Variants in RIT2 observed in about 807,000 individuals in gnomAD.
RIT2 encodes the protein GTP-binding protein Rit2.
A neutral mutation model predicts 23.7 loss-of-function variants in RIT2; 24 were observed. The ratio of observed to expected loss-of-function variants is 1.01; its 90% CI spans 0.73 to 1.43. The LOEUF (loss-of-function observed/expected upper bound fraction) is 1.43. RIT2 is among the 40% of genes most tolerant of loss of function. The pLI is 0.00. For missense variants in RIT2, 236 were observed against 266.9 expected (o/e 0.88, Z 0.81); for synonymous variants, 107 against 91.1 (o/e 1.17, Z -0.99).
intron 2 of RIT2, among the ~76,000 whole-genome samples, chr18:43,003,513 T>C (rs755736205): frequency 1.3e-5 from 2 of 151,928 alleles, no homozygotes; most frequent in South Asian, 4.1e-4. Flanking sequence ...TTTTGTTTCC[T>C]GGCAAAAATT....
chr18:42,784,469 T>C (rs1335034979), intron 4 of RIT2, among the ~76,000 whole-genome samples: 5 of 152,014 alleles, frequency 3.3e-5, no homozygotes, highest in Non-Finnish European at 7.4e-5. Context: ...GCAATAGCAA[T>C]GTTCAGGGCA....
chr18:43,027,877 A>G (rs1369477330), intron 2 of RIT2, among the ~76,000 whole-genome samples: 1 of 152,086 alleles, frequency 6.6e-6, no homozygotes, highest in African/African-American at 2.4e-5. Flanking sequence ...AGAGGTCTGA[A>G]ATTATGTGAC....
chr18:42,887,385 A>C (rs974077961), intron 4 of RIT2, among the ~76,000 whole-genome samples: 1 of 152,188 alleles, frequency 6.6e-6, no homozygotes, highest in Non-Finnish European at 1.5e-5. Flanking sequence ...CATGGTAGGT[A>C]ATCTCTCTTG....
At chr18:42,926,291 GTTCCT>G (rs1193237483) in intron 3 of RIT2, among the ~76,000 whole-genome samples, 1 of 151,770 alleles carries the variant, frequency 6.6e-6, no homozygotes, top group Non-Finnish European at 1.5e-5. Context: ...GAAACATCAT[GTTCCT>G]TTCATTTGTA....
intron 4 of RIT2, among the ~76,000 whole-genome samples, chr18:42,854,998 T>C (rs1907146199): frequency 6.6e-6 from 1 of 152,144 alleles, no homozygotes; most frequent in Non-Finnish European, 1.5e-5. Context: ...TGTAAAAAAC[T>C]TGGATTTACT....
At chr18:43,013,179 A>G (rs908560824) in intron 2 of RIT2, among the ~76,000 whole-genome samples, 1 of 151,900 alleles carries the variant, frequency 6.6e-6, no homozygotes, top group East Asian at 1.9e-4. Flanking sequence ...TGAACTGATC[A>G]ACATGATGAC....
At chr18:42,882,224 T>C (rs1907913497) in intron 4 of RIT2, among the ~76,000 whole-genome samples, 1 of 152,222 alleles carries the variant, frequency 6.6e-6, no homozygotes, top group African/African-American at 2.4e-5. Flanking sequence ...AGATATCAAA[T>C]TAGAGTCAGT....
chr18:42,956,087 C>A (rs2144179631), intron 3 of RIT2, among the ~76,000 whole-genome samples: 1 of 152,224 alleles, frequency 6.6e-6, no homozygotes, highest in East Asian at 1.9e-4. Flanking sequence ...AAGGAACCCT[C>A]TTTTCACAGA....
chr18:42,914,856 A>G (rs962787055), intron 4 of RIT2, among the ~76,000 whole-genome samples: 1 of 151,998 alleles, frequency 6.6e-6, no homozygotes, highest in Non-Finnish European at 1.5e-5. Flanking sequence ...GTTGCATAAG[A>G]TGTTAATATT....
chr18:42,915,279 T>C (rs2144123557), intron 4 of RIT2, among the ~76,000 whole-genome samples: 2 of 152,072 alleles, frequency 1.3e-5, no homozygotes, highest in East Asian at 3.9e-4. Context: ...CAAGGATACC[T>C]GGGAAAGGGT....
At chr18:42,835,532 T>C (rs556635687) in intron 4 of RIT2, among the ~76,000 whole-genome samples, 219 of 152,274 alleles carry the variant, frequency 1.4e-3, no homozygotes, top group African/African-American at 5.2e-3. Context: ...TATTAAAAGA[T>C]TTATTGACTC....
intron 1 of RIT2, among the ~76,000 whole-genome samples, chr18:43,057,140 A>G (rs994436152): frequency 2.0e-5 from 3 of 152,050 alleles, no homozygotes; most frequent in Non-Finnish European, 4.4e-5. Context: ...TTCTTCAGGC[A>G]GGAGGACTAG....
At chr18:42,749,197 G>C (rs1288437349) in intron 4 of RIT2, among the ~76,000 whole-genome samples, 5 of 151,750 alleles carry the variant, frequency 3.3e-5, no homozygotes, top group Admixed American at 2.6e-4. Context: ...TCAAATAGTT[G>C]AGAAAAAGTA....
intron 3 of RIT2, among the ~76,000 whole-genome samples, chr18:42,940,598 T>C (rs986196339): frequency 6.6e-6 from 1 of 151,972 alleles, no homozygotes; most frequent in Non-Finnish European, 1.5e-5. Context: ...CCTCCACAAC[T>C]ATTTGTTAAG....
At chr18:42,831,235 A>C (rs1437971209) in intron 4 of RIT2, among the ~76,000 whole-genome samples, 2 of 152,184 alleles carry the variant, frequency 1.3e-5, no homozygotes, top group Non-Finnish European at 2.9e-5. Flanking sequence ...AAATAAAATG[A>C]ATTAAACATC....
intron 4 of RIT2, among the ~76,000 whole-genome samples, chr18:42,837,508 T>A (rs482472): frequency 0.24 from 37,179 of 151,994 alleles, 5,645 homozygotes; most frequent in East Asian, 0.42. Flanking sequence ...TTCTATACTT[T>A]TTTCATGCTG....
intron 4 of RIT2, among the ~76,000 whole-genome samples, chr18:42,918,668 T>C (rs1370065642): frequency 1.3e-5 from 2 of 152,166 alleles, no homozygotes; most frequent in Non-Finnish European, 2.9e-5. Flanking sequence ...TTATGTTTTG[T>C]CTTTGATTAA....
chr18:43,048,949 T>G (rs1370000931), intron 1 of RIT2, among the ~76,000 whole-genome samples: 1 of 152,210 alleles, frequency 6.6e-6, no homozygotes, highest in Admixed American at 6.5e-5. Context: ...CAATCTGGTT[T>G]CTAAAATTGT....
At chr18:43,057,894 G>T (rs995543090) in intron 1 of RIT2, among the ~76,000 whole-genome samples, 4 of 151,052 alleles carry the variant, frequency 2.6e-5, no homozygotes, top group African/African-American at 9.7e-5. Context: ...CCATCCTTGG[G>T]AGGATTTTGG....
Sources: gnomAD v4.1 joint callset for allele counts (sites outside exome capture counted in the v4.1 genomes callset) on GRCh38, gnomAD v4.1.1 for gene constraint, MANE v1.5 for transcripts, NCBI Gene and HGNC (gene_info 2026-07-23, HGNC 2026-07-21) for gene names.